EYA2: variants seen among roughly 807,000 people sequenced by gnomAD.
EYA2 encodes the protein protein phosphatase EYA2.
In EYA2, 31 loss-of-function variants were observed where a neutral mutation model predicts 69.2. The ratio of observed to expected loss-of-function variants is 0.45; its 90% confidence interval spans 0.34 to 0.60. The LOEUF (loss-of-function observed/expected upper bound fraction) is 0.60. EYA2 is among the 20% of genes least tolerant of loss of function. The probability of loss-of-function intolerance (pLI) is 0.02; values close to 1 mark genes in which losing one functional copy is unlikely to be tolerated. For synonymous variants in EYA2, 257 were observed against 279.4 expected (o/e 0.92, Z 0.80); for missense variants, 622 against 701.2 (o/e 0.89, Z 1.28).
intron 5 of EYA2, among the ~76,000 whole-genome samples, chr20:47,070,698 A>G (rs2031281343): frequency 6.6e-6 from 1 of 152,236 alleles, no homozygotes; most frequent in Admixed American, 6.5e-5. Flanking sequence ...ACAAGAAGAA[A>G]AATGTTCTAA....
At chr20:47,001,374 C>T in intron 2 of EYA2, 54 bp from the exon 3 acceptor site, 2 of 1,533,542 alleles carry the variant, frequency 1.3e-6, no homozygotes, top group East Asian at 2.2e-5. Flanking sequence ...ACCACCTCTG[C>T]AGAACATCAC....
At chr20:47,009,595 T>C (rs1379655765) in intron 4 of EYA2, among the ~76,000 whole-genome samples, 2 of 152,214 alleles carry the variant, frequency 1.3e-5, no homozygotes, top group Admixed American at 6.5e-5. Flanking sequence ...GTTTCATGTT[T>C]ATCATTCCCC....
intron 1 of EYA2, among the ~76,000 whole-genome samples, chr20:46,989,660 GTC>G (rs1981525159): frequency 6.6e-6 from 1 of 152,178 alleles, no homozygotes; most frequent in Non-Finnish European, 1.5e-5. Flanking sequence ...CTGCCTGTCT[GTC>G]TCTTTCTCAG....
At chr20:47,062,259 AT>A (rs1196581461) in intron 5 of EYA2, among the ~76,000 whole-genome samples, 1 of 152,174 alleles carries the variant, frequency 6.6e-6, no homozygotes. Context: ...CATCCTCAGC[AT>A]TTTCTTGAGT....
chr20:47,078,177 A>G (rs1370066035), intron 7 of EYA2, among the ~76,000 whole-genome samples: 1 of 152,156 alleles, frequency 6.6e-6, no homozygotes, highest in Non-Finnish European at 1.5e-5. Flanking sequence ...AGTGGTTGAG[A>G]TGGTTTTTAC....
At chr20:47,119,128 C>T (rs928877031) in intron 9 of EYA2, among the ~76,000 whole-genome samples, 3 of 152,232 alleles carry the variant, frequency 2.0e-5, no homozygotes, top group Non-Finnish European at 4.4e-5. Context: ...CGTCTCCCCT[C>T]CAACTACTCA....
intron 9 of EYA2, among the ~76,000 whole-genome samples, chr20:47,137,061 C>T (rs1410418040): frequency 6.6e-6 from 1 of 152,096 alleles, no homozygotes; most frequent in Non-Finnish European, 1.5e-5. Flanking sequence ...CCAGCATGGT[C>T]CTTCCCAGGA....
intron 1 of EYA2, among the ~76,000 whole-genome samples, chr20:46,905,926 C>T (rs1175319793): frequency 6.6e-6 from 1 of 152,178 alleles, no homozygotes; most frequent in Non-Finnish European, 1.5e-5. Flanking sequence ...GCCCCAGGCA[C>T]ATTCCTTACT....
chr20:47,072,198 C>T lies in EYA2; in HGVS notation c.429C>T (p.Phe143=), dbSNP rs755776041. ...YTYQMHGTTG[F]YQGGNGLGNA... ...TCCTTCCCACAGGCACAACAGGGTT[C>T]TATCAAGGAGGAAATGGACTGGGCA... The change falls in exon 6 of 16, where the codon TTC becomes TTT. Residue 143 remains phenylalanine (F), a synonymous_variant. Transcript: ENST00000327619. 6.2e-7 allele frequency: 1 copy of T among 1,613,172 alleles called. No homozygotes were observed. The highest frequency in any genetic ancestry group is 1.1e-5 in the South Asian group (1 of 90,798).
At chr20:46,990,205 T>C (rs1981565090) in intron 2 of EYA2, 86 bp downstream of exon 2, 2 of 737,570 alleles carry the variant, frequency 2.7e-6, no homozygotes, top group South Asian at 1.5e-5. Flanking sequence ...ACACGCATCC[T>C]TTCCAAAGTA....
intron 5 of EYA2, among the ~76,000 whole-genome samples, chr20:47,018,578 A>C (rs1983550894): frequency 6.6e-6 from 1 of 152,240 alleles, no homozygotes; most frequent in East Asian, 1.9e-4. Flanking sequence ...GGAGGCTGCC[A>C]CAGGAGGGGC....
intron 10 of EYA2, among the ~76,000 whole-genome samples, chr20:47,148,576 A>G (rs1162853272): frequency 6.6e-6 from 1 of 151,764 alleles, no homozygotes; most frequent in East Asian, 2.0e-4. Context: ...TCATGAGCAG[A>G]CCAGGCCTGG....
chr20:47,121,418 G>T (rs2033041312), intron 9 of EYA2, among the ~76,000 whole-genome samples: 1 of 152,158 alleles, frequency 6.6e-6, no homozygotes, highest in Admixed American at 6.5e-5. Context: ...CGTAGGGGTA[G>T]TTATTTCATC....
At position 47,127,402 on chromosome 20, in the gene EYA2, G is replaced by A. The variant is rs185687832; in HGVS notation, c.889-15657G>A. On this transcript the variant is annotated intron_variant, in intron 9 of 15. Coordinates refer to ENST00000327619, the MANE Select transcript of EYA2 (RefSeq NM_005244.5). The stretch of plus-strand genomic sequence containing the variant: ...GAGGATCACCTGAGGTCAGGAGTTC[G>A]AGACCAGCCTGGCCAACATGGTGAA... Among the ~76,000 whole-genome samples, 1,198 of 152,214 alleles carry A rather than the reference G, an allele frequency of 7.9e-3. 14 individuals carry two copies. Among genetic ancestry groups the A allele is most frequent in the Middle Eastern group, 0.02 (6 of 294 alleles).
At chr20:47,182,356 G>A (rs1388005719) in intron 14 of EYA2, among the ~76,000 whole-genome samples, 10 of 151,138 alleles carry the variant, frequency 6.6e-5, no homozygotes, top group African/African-American at 1.2e-4. Flanking sequence ...GGTCAGGCGC[G>A]GTGGCTCACG....
intron 9 of EYA2, among the ~76,000 whole-genome samples, chr20:47,111,716 C>A (rs2032751113): frequency 6.6e-6 from 1 of 152,130 alleles, no homozygotes; most frequent in African/African-American, 2.4e-5. Context: ...TAAACATAAG[C>A]CAGCCCAGAT....
intron 2 of EYA2, chr20:46,998,405 A>G (rs921414864): frequency 2.0e-5 from 3 of 152,298 alleles, no homozygotes; most frequent in Non-Finnish European, 2.9e-5. Flanking sequence ...GGTCAAGCCT[A>G]CTTCCTGGTA....
At position 46,963,323 on chromosome 20, in the gene EYA2, C is replaced by T. The variant is rs567020155; in HGVS notation, c.-10-26678C>T. On this transcript the variant is annotated intron_variant, in intron 1 of 15. Coordinates refer to ENST00000327619, the MANE Select transcript of EYA2 (RefSeq NM_005244.5). Reference sequence around the variant, plus strand: ...GCTGGGTCTGTCTCTGAACCCACCACAGGGCCTGCTGTAGAGCAGATGCTC... The same window carrying T: ...GCTGGGTCTGTCTCTGAACCCACCATAGGGCCTGCTGTAGAGCAGATGCTC... Among the ~76,000 whole-genome samples the T allele has an allele frequency of 3.3e-5, 5 of 152,344 alleles. No homozygotes were observed. In the East Asian group the frequency reaches 7.7e-4, roughly 24 times the overall value.
chr20:46,897,852 A>G (rs1983888938), intron 1 of EYA2, among the ~76,000 whole-genome samples: 1 of 152,176 alleles, frequency 6.6e-6, no homozygotes, highest in Non-Finnish European at 1.5e-5. Flanking sequence ...TTTGCTGGGC[A>G]GGCCTCCTTC....
Sources: gnomAD v4.1 joint callset for allele counts (sites outside exome capture counted in the v4.1 genomes callset) on GRCh38, gnomAD v4.1.1 for gene constraint, MANE v1.5 for transcripts, NCBI Gene and HGNC (gene_info 2026-07-23, HGNC 2026-07-21) for gene names.